Variants in CCDC30 observed in about 807,000 individuals in gnomAD.
CCDC30 encodes coiled-coil domain-containing protein 30.
CCDC30 carries 70 observed loss-of-function variants against 100.2 expected under a neutral mutation model. The observed-to-expected ratio is 0.70, with a 90% CI of 0.58 to 0.85. CCDC30 has a LOEUF of 0.85. Ranked by LOEUF, CCDC30 falls within the 40% of genes least tolerant of loss-of-function variation. CCDC30 has a pLI of 0.00. For missense variants in CCDC30, 652 were observed against 771.2 expected (o/e 0.85, Z 1.83); for synonymous variants, 233 against 269.5 (o/e 0.86, Z 1.33).
chr1:42,456,412 C>A, the CCDC30 span: 2 of 839,150 alleles, frequency 2.4e-6, no homozygotes, highest in Non-Finnish European at 3.5e-6. Context: ...AGAACAACTA[C>A]GCATTTCCAG....
intron 11 of CCDC30, among the ~76,000 whole-genome samples, chr1:42,628,146 A>G (rs1015042312): frequency 4.6e-5 from 7 of 152,178 alleles, no homozygotes; most frequent in African/African-American, 1.4e-4. Context: ...TGGATGTGAG[A>G]CCTGGAGTCA....
chr1:42,649,041 T>C (rs1648121777), intron 15 of CCDC30, among the ~76,000 whole-genome samples: 1 of 151,994 alleles, frequency 6.6e-6, no homozygotes, highest in African/African-American at 2.4e-5. Flanking sequence ...AATCATATGA[T>C]CAAAGCCATA....
At chr1:42,602,232 T>C (rs1646418062) in intron 10 of CCDC30, among the ~76,000 whole-genome samples, 1 of 151,030 alleles carries the variant, frequency 6.6e-6, no homozygotes, top group Admixed American at 6.6e-5. Context: ...AAAGAAATAA[T>C]AAAAATTACA....
chr1:42,546,399 A>ATATAT (rs1404484081), intron 6 of CCDC30, among the ~76,000 whole-genome samples: 4 of 11,974 alleles, frequency 3.3e-4, no homozygotes, highest in African/African-American at 8.1e-4. Context: ...AAAAAAAAAA[A>ATATAT]ATATATATAT....
At chr1:42,485,100 T>G (rs1233767287) in intron 3 of CCDC30, among the ~76,000 whole-genome samples, 1 of 152,166 alleles carries the variant, frequency 6.6e-6, no homozygotes, top group African/African-American at 2.4e-5. Context: ...TAGTGAAATA[T>G]TCATAAGTGA....
chr1:42,528,828 A>G (rs912590067), intron 6 of CCDC30, among the ~76,000 whole-genome samples: 3 of 152,120 alleles, frequency 2.0e-5, no homozygotes, highest in Non-Finnish European at 2.9e-5. Context: ...TGGTTAATCT[A>G]CCTCCCTCTT....
upstream of CCDC30, among the ~76,000 whole-genome samples, chr1:42,460,783 C>T (rs560654257): frequency 1.4e-4 from 22 of 152,174 alleles, no homozygotes; most frequent in Admixed American, 5.2e-4. Context: ...AGGATAATCT[C>T]TCTGCAAAGT....
intron 10 of CCDC30, among the ~76,000 whole-genome samples, chr1:42,603,986 G>A (rs577736631): frequency 6.6e-6 from 1 of 152,302 alleles, no homozygotes; most frequent in Non-Finnish European, 1.5e-5. Flanking sequence ...TTAGAAGGCT[G>A]AGGTGGGAGG....
intron 6 of CCDC30, among the ~76,000 whole-genome samples, chr1:42,533,295 T>G (rs1324072261): frequency 3.9e-5 from 6 of 151,904 alleles, no homozygotes; most frequent in African/African-American, 1.2e-4. Context: ...GTCACTGGTG[T>G]TGTGGCATGC....
At chr1:42,482,890 A>AT in intron 3 of CCDC30, 74 bp downstream of exon 3, 45 of 952,728 alleles carry the variant, frequency 4.7e-5, no homozygotes, top group Admixed American at 8.9e-5. Flanking sequence ...GTGGAACATG[A>AT]GAAAAAAAAA....
At chr1:42,573,512 T>C (rs1645774951) in intron 7 of CCDC30, among the ~76,000 whole-genome samples, 1 of 152,154 alleles carries the variant, frequency 6.6e-6, no homozygotes, top group Non-Finnish European at 1.5e-5. Context: ...TTTTGGATTT[T>C]CTATGCAAGT....
the CCDC30 span, chr1:42,456,302 C>A: frequency 1.7e-6 from 1 of 595,318 alleles, no homozygotes; most frequent in Admixed American, 3.1e-5. Context: ...AGTTCTTCAC[C>A]CAGGCTAGGA....
intron 11 of CCDC30, among the ~76,000 whole-genome samples, chr1:42,623,459 C>T (rs1318261925): frequency 6.6e-6 from 1 of 152,124 alleles, no homozygotes; most frequent in Admixed American, 6.5e-5. Context: ...ATATGGACAT[C>T]CAGTTTTCCC....
rs867537989 is a variant in CCDC30, at chr1:42,622,291, G to A, written c.1277+11201G>A. Among the ~76,000 whole-genome samples, 3 of 152,254 alleles carry A rather than the reference G, an allele frequency of 2.0e-5. No individual in the cohort carries two copies. The South Asian group carries it at 6.2e-4, about 32-fold the overall frequency. ...TCTCATTCTTTTTTACGGCTGAATA[G>A]TATTCCATTATGTATAAGTACCATA... On this transcript the variant is annotated intron_variant, in intron 11 of 16. Transcript: ENST00000668663.
chr1:42,458,694 G>A (rs543027052), upstream of CCDC30, among the ~76,000 whole-genome samples: 17 of 152,222 alleles, frequency 1.1e-4, no homozygotes, highest in South Asian at 2.7e-3. Flanking sequence ...GTGATTTCAC[G>A]CTTTTTAATC....
chr1:42,481,795 G>A (rs557157683), intron 2 of CCDC30, among the ~76,000 whole-genome samples: 5 of 152,232 alleles, frequency 3.3e-5, no homozygotes, highest in African/African-American at 1.2e-4. Context: ...TTAAGTATGG[G>A]AGGTAACCCA....
chr1:42,623,359 C>A (rs142672509), intron 11 of CCDC30, among the ~76,000 whole-genome samples: 1,683 of 152,252 alleles, frequency 0.011, 35 homozygotes, highest in African/African-American at 0.039. Context: ...AGTACTCTTA[C>A]ACTTTGAGGT....
chr1:42,637,123 T>G, intron 11 of CCDC30, 114 bp from the exon 16 acceptor site: 3 of 787,904 alleles, frequency 3.8e-6, no homozygotes, highest in Non-Finnish European at 6.1e-6. Context: ...CCACATCCGG[T>G]GCCAGTTCCC....
chr1:42,494,469 C>T (rs1409578858), intron 4 of CCDC30, among the ~76,000 whole-genome samples: 1 of 152,014 alleles, frequency 6.6e-6, no homozygotes, highest in East Asian at 1.9e-4. Context: ...TCTAAAACAC[C>T]AAAAGCAATG....
Sources: gnomAD v4.1 joint callset for allele counts (sites outside exome capture counted in the v4.1 genomes callset) on GRCh38, gnomAD v4.1.1 for gene constraint, MANE v1.5 for transcripts, NCBI Gene and HGNC (gene_info 2026-07-23, HGNC 2026-07-21) for gene names.